LMO7: variants seen among roughly 807,000 people sequenced by gnomAD.
LMO7 encodes LIM domain 7.
In LMO7, 120 loss-of-function variants were observed where a neutral mutation model predicts 206.5. The ratio of observed to expected loss-of-function variants is 0.58; its 90% CI spans 0.50 to 0.68. The LOEUF is 0.68. Among genes scored for constraint, LMO7 ranks in the 30% least tolerant of loss-of-function variants. LMO7 has a pLI of 0.00. For synonymous variants in LMO7, 706 were observed against 681.5 expected (o/e 1.04, Z -0.56); for missense variants, 1,959 against 1,957.9 (o/e 1.00, Z -0.01).
At chr13:75,840,796 T>C (rs2059500925) in intron 22 of LMO7, among the ~76,000 whole-genome samples, 1 of 152,164 alleles carries the variant, frequency 6.6e-6, no homozygotes, top group East Asian at 1.9e-4. Flanking sequence ...ATAAACTGTT[T>C]GCTGGGTCCA....
rs146636938 is a variant in LMO7 at position 75,853,237 on chromosome 13, C to A, written c.4510C>A (p.Arg1504Ser). 1 of 1,614,132 alleles carries A rather than the reference C, an allele frequency of 6.2e-7. No individual in the cohort carries two copies. The highest frequency in any genetic ancestry group is 1.1e-5 in the South Asian group (1 of 91,076). Reference sequence around the variant, plus strand: ...ACCTCAGCTGGTGTCCACATCAAACCGTGCCTACATGCGGAACCCCTCCTC... The same window carrying A: ...ACCTCAGCTGGTGTCCACATCAAACAGTGCCTACATGCGGAACCCCTCCTC... ...PPPQLVSTSN[R>S]AYMRNPSSSV... Residue 1504 changes from arginine (R) to serine (S), a missense_variant, in exon 28 of 31, where the codon CGT becomes AGT. Physicochemically the swap from Arg to Ser is moderately radical, Grantham distance 110. Coordinates refer to ENST00000377534, the MANE Select transcript of LMO7 (RefSeq NM_001306080.2).
At chr13:75,751,078 G>A (rs576300723) in intron 3 of LMO7, among the ~76,000 whole-genome samples, 1 of 151,250 alleles carries the variant, frequency 6.6e-6, no homozygotes, top group African/African-American at 2.4e-5. Context: ...GAAAGGAGTC[G>A]AGGTCACCTA....
intron 4 of LMO7, among the ~76,000 whole-genome samples, chr13:75,777,547 T>C (rs1253357003): frequency 6.6e-6 from 1 of 152,214 alleles, no homozygotes; most frequent in Non-Finnish European, 1.5e-5. Flanking sequence ...TATAATTCTC[T>C]GTAGGATTTG....
At chr13:75,679,947 G>A (rs555029264) in intron 1 of LMO7, among the ~76,000 whole-genome samples, 14 of 152,182 alleles carry the variant, frequency 9.2e-5, no homozygotes, top group Non-Finnish European at 1.9e-4. Flanking sequence ...TGTGCAGAAT[G>A]TGCAGGTTTG....
intron 3 of LMO7, among the ~76,000 whole-genome samples, chr13:75,754,429 G>C (rs891610756): frequency 3.3e-5 from 5 of 152,076 alleles, no homozygotes; most frequent in African/African-American, 4.8e-5. Context: ...AGAACGGTTT[G>C]TACCTTTTGA....
At chr13:75,782,786 T>C (rs2051732701) in intron 4 of LMO7, among the ~76,000 whole-genome samples, 1 of 152,182 alleles carries the variant, frequency 6.6e-6, no homozygotes, top group Non-Finnish European at 1.5e-5. Context: ...GTGGTCACAA[T>C]CCCTTCTCCT....
intron 1 of LMO7, among the ~76,000 whole-genome samples, chr13:75,669,549 A>G (rs2039368529): frequency 6.6e-6 from 1 of 152,136 alleles, no homozygotes; most frequent in Non-Finnish European, 1.5e-5. Context: ...TAAGGCAAGG[A>G]GAGATTGCAT....
chr13:75,635,050 GAAAGT>G (rs1436884388), upstream of LMO7, among the ~76,000 whole-genome samples: 1 of 150,944 alleles, frequency 6.6e-6, no homozygotes, highest in Non-Finnish European at 1.5e-5. Context: ...AAAACAAACA[GAAAGT>G]AAATACAATT....
intron 1 of LMO7, among the ~76,000 whole-genome samples, chr13:75,656,637 A>G (rs1348904986): frequency 6.6e-6 from 1 of 152,176 alleles, no homozygotes; most frequent in Non-Finnish European, 1.5e-5. Flanking sequence ...TTAGTAGACT[A>G]CAGAAGGTTT....
chr13:75,635,245 A>G (rs1341209359), upstream of LMO7, among the ~76,000 whole-genome samples: 1 of 152,146 alleles, frequency 6.6e-6, no homozygotes, highest in East Asian at 1.9e-4. Context: ...CTTTCGTTTC[A>G]GCAGAGTAAG....
intron 16 of LMO7, 46 bp from the exon 17 acceptor site, chr13:75,834,180 T>C (rs766939370): frequency 6.9e-7 from 1 of 1,447,778 alleles, no homozygotes; most frequent in South Asian, 1.3e-5. Flanking sequence ...TAATAGAACA[T>C]GTGGGATTTT....
intron 14 of LMO7, among the ~76,000 whole-genome samples, chr13:75,822,846 A>G (rs1305963259): frequency 1.4e-5 from 2 of 142,750 alleles, no homozygotes; most frequent in Admixed American, 1.4e-4. Flanking sequence ...ATATATATAA[A>G]ACTTTTGCTC....
chr13:75,693,333 G>C (rs1173530259), intron 1 of LMO7, among the ~76,000 whole-genome samples: 6 of 152,164 alleles, frequency 3.9e-5, no homozygotes, highest in Admixed American at 1.3e-4. Flanking sequence ...GTGTAGCACT[G>C]ACATTTGTTC....
chr13:75,815,621 A>G (rs540890396), intron 11 of LMO7, among the ~76,000 whole-genome samples: 32 of 152,350 alleles, frequency 2.1e-4, no homozygotes, highest in African/African-American at 6.0e-4. Flanking sequence ...GAAGTTATGT[A>G]TACTGGTAAA....
chr13:75,723,391 G>C (rs1175965429), intron 2 of LMO7, among the ~76,000 whole-genome samples: 1 of 152,100 alleles, frequency 6.6e-6, no homozygotes, highest in African/African-American at 2.4e-5. Context: ...AGTTCATTCA[G>C]TGTATTGATA....
chr13:75,714,807 A>C (rs556973815), intron 2 of LMO7, among the ~76,000 whole-genome samples: 17 of 152,262 alleles, frequency 1.1e-4, no homozygotes, highest in African/African-American at 3.6e-4. Context: ...AGTAATGTTT[A>C]GAAGATGGAG....
intron 26 of LMO7, among the ~76,000 whole-genome samples, chr13:75,845,624 G>A (rs1163135152): frequency 6.6e-6 from 1 of 152,146 alleles, no homozygotes; most frequent in Non-Finnish European, 1.5e-5. Context: ...AAATATGTGG[G>A]AATTTTGCAA....
At chr13:75,702,395 T>G (rs2042343241) in intron 1 of LMO7, among the ~76,000 whole-genome samples, 1 of 152,198 alleles carries the variant, frequency 6.6e-6, no homozygotes, top group African/African-American at 2.4e-5. Context: ...TTGACCACTG[T>G]GAGACTTTTG....
chr13:75,820,349 A>G (rs1742933505), intron 13 of LMO7, among the ~76,000 whole-genome samples: 1 of 152,174 alleles, frequency 6.6e-6, no homozygotes, highest in African/African-American at 2.4e-5. Context: ...AGTTCTGTCA[A>G]GCTATGTGAA....
Sources: gnomAD v4.1 joint callset for allele counts (sites outside exome capture counted in the v4.1 genomes callset) on GRCh38, gnomAD v4.1.1 for gene constraint, MANE v1.5 for transcripts, NCBI Gene and HGNC (gene_info 2026-07-23, HGNC 2026-07-21) for gene names.